The following GALNT3 variants were observed in gnomAD, a reference collection of about 807,000 sequenced individuals.
GALNT3 encodes the protein GalNAc transferase 3.
GALNT3 carries 51 observed loss-of-function variants against 69.8 expected under a neutral mutation model. The observed-to-expected ratio is 0.73, with a 90% CI of 0.58 to 0.92. The LOEUF is 0.92. Ranked by LOEUF, GALNT3 falls within the 40% of genes least tolerant of loss-of-function variation. The probability of loss-of-function intolerance (pLI) is 0.00; values close to 1 mark genes in which losing one functional copy is unlikely to be tolerated. For missense variants in GALNT3, 711 were observed against 760.0 expected (o/e 0.94, Z 0.76); for synonymous variants, 265 against 248.5 (o/e 1.07, Z -0.63).
chr2:165,781,622 A>G (rs1683113578), intron 1 of GALNT3, among the ~76,000 whole-genome samples: 1 of 151,816 alleles, frequency 6.6e-6, no homozygotes, highest in African/African-American at 2.4e-5. Flanking sequence ...AAAAAAGCCT[A>G]TCGAGCATAG....
Position 165,759,509 on chromosome 2 carries a change from AGCCGT to A in GALNT3, c.895_899del (p.Thr299CysfsTer15). On this transcript the variant is annotated frameshift_variant, in exon 5 of 11. Coordinates refer to ENST00000392701, the MANE Select transcript of GALNT3 (RefSeq NM_004482.4). LOFTEE classifies it high-confidence loss of function. ...TGGATGCAATATCTGGACTTACGACAGCCGTGTAGTTCTCAGCTATTCTGGCCAAC... is the reference window on the plus strand; with the variant it reads ...TGGATGCAATATCTGGACTTACGACAGTAGTTCTCAGCTATTCTGGCCAAC... The A allele has an allele frequency of 6.2e-7, 1 of 1,614,076 alleles. No homozygotes were observed.
intron 1 of GALNT3, among the ~76,000 whole-genome samples, chr2:165,784,223 G>A (rs1211828641): frequency 6.6e-6 from 1 of 152,044 alleles, no homozygotes; most frequent in Non-Finnish European, 1.5e-5. Flanking sequence ...TAATTCAGTG[G>A]GATTTATATT....
At chr2:165,749,363 A>G (rs755598289) in intron 10 of GALNT3, among the ~76,000 whole-genome samples, 13 of 152,248 alleles carry the variant, frequency 8.5e-5, no homozygotes, top group Non-Finnish European at 1.6e-4. Flanking sequence ...AAAACAGGGT[A>G]GAAAAAAATT....
chr2:165,766,384 C>A (rs1356808347), intron 2 of GALNT3, among the ~76,000 whole-genome samples: 2 of 152,156 alleles, frequency 1.3e-5, no homozygotes, highest in African/African-American at 4.8e-5. Context: ...AAATTGATCT[C>A]AAATTCATTT....
intron 1 of GALNT3, among the ~76,000 whole-genome samples, chr2:165,782,086 A>G (rs944800439): frequency 1.3e-5 from 2 of 152,210 alleles, no homozygotes; most frequent in African/African-American, 4.8e-5. Flanking sequence ...CCGAGGCAAA[A>G]TAAGTGAGCT....
chr2:165,752,390 A>G (rs764637521), intron 9 of GALNT3, among the ~76,000 whole-genome samples: 26 of 152,196 alleles, frequency 1.7e-4, no homozygotes, highest in Admixed American at 1.0e-3. Context: ...CCAAAACTAC[A>G]TATTTTTTTC....
intron 9 of GALNT3, among the ~76,000 whole-genome samples, chr2:165,753,076 C>A (rs1372736041): frequency 6.6e-6 from 1 of 152,156 alleles, no homozygotes; most frequent in Non-Finnish European, 1.5e-5. Context: ...CATCTGCCCT[C>A]AGTAGATTGA....
intron 1 of GALNT3, among the ~76,000 whole-genome samples, chr2:165,788,239 C>T (rs993218726): frequency 2.0e-5 from 3 of 149,944 alleles, no homozygotes; most frequent in African/African-American, 7.4e-5. Context: ...ATGGCATGAA[C>T]CTAGGAGGCA....
chr2:165,754,921 A>C lies in GALNT3; in HGVS notation c.1524+11T>G, dbSNP rs748891012. Reference sequence around the variant, plus strand: ...GTATATTAATTAAAAAAGGAACAGGAAAATACTCACGTATCCAGATATAAC... The same window carrying C: ...GTATATTAATTAAAAAAGGAACAGGCAAATACTCACGTATCCAGATATAAC... On this transcript the variant is annotated intron_variant, in intron 8 of 10. Coordinates refer to ENST00000392701, the MANE Select transcript of GALNT3 (RefSeq NM_004482.4). 1.7e-5 allele frequency: 27 copies of C among 1,613,052 alleles called. No homozygotes were observed. Among genetic ancestry groups the C allele is most frequent in the Non-Finnish European group, 2.3e-5 (27 of 1,179,306 alleles).
intron 1 of GALNT3, among the ~76,000 whole-genome samples, chr2:165,779,748 T>A (rs1406658634): frequency 6.6e-6 from 1 of 152,082 alleles, no homozygotes. Context: ...GAAAGCTGAT[T>A]GAAAAAAAAT....
chr2:165,772,291 G>A (rs1001945315), intron 1 of GALNT3, among the ~76,000 whole-genome samples: 19 of 152,088 alleles, frequency 1.2e-4, no homozygotes, highest in African/African-American at 4.6e-4. Flanking sequence ...AGGAGACTAA[G>A]AAAGCTACAC....
Position 165,764,935 on chromosome 2 carries a change from G to T in GALNT3, c.637C>A (p.Pro213Thr). The change falls in exon 3 of 11, where the codon CCT becomes ACT. Residue 213 changes from proline (P) to threonine (T), a missense_variant. Coordinates refer to ENST00000392701, the MANE Select transcript of GALNT3 (RefSeq NM_004482.4). ...RTVHSVLYSS[P>T]AILLKEIILV... ...ATGATTTCCTTCAGCAGTATTGCAG[G>T]TGAAGAATAGAGCACACTGTGGACA... 1.2e-6 allele frequency: 2 copies of T among 1,614,182 alleles called. No homozygotes were observed. The highest frequency in any genetic ancestry group is 2.2e-5 in the South Asian group (2 of 91,084).
intron 2 of GALNT3, among the ~76,000 whole-genome samples, chr2:165,767,344 T>C (rs1207443520): frequency 6.6e-6 from 1 of 152,132 alleles, no homozygotes; most frequent in East Asian, 1.9e-4. Context: ...TAAGATTTTT[T>C]TCCTACCTTT....
chr2:165,786,422 G>A (rs1257117017), intron 1 of GALNT3, among the ~76,000 whole-genome samples: 10 of 152,120 alleles, frequency 6.6e-5, no homozygotes, highest in Non-Finnish European at 1.3e-4. Context: ...GCAGGAGATT[G>A]GTTCCACAAC....
intron 7 of GALNT3, 79 bp downstream of exon 7, chr2:165,756,968 C>G: frequency 9.1e-7 from 1 of 1,103,436 alleles, no homozygotes; most frequent in Non-Finnish European, 1.4e-6. Context: ...ATGTTTTGTA[C>G]TTGAGATGAA....
intron 3 of GALNT3, 102 bp downstream of exon 3, chr2:165,764,782 C>T: frequency 8.6e-7 from 1 of 1,163,824 alleles, no homozygotes; most frequent in Non-Finnish European, 1.3e-6. Context: ...CTATTATATT[C>T]AAGCTCTGAG....
chr2:165,766,481 G>A (rs1376165503), intron 2 of GALNT3, among the ~76,000 whole-genome samples: 1 of 152,162 alleles, frequency 6.6e-6, no homozygotes, highest in Non-Finnish European at 1.5e-5. Context: ...CAGCCTTTGA[G>A]GCTAGAGATG....
intron 6 of GALNT3, 127 bp from the exon 7 acceptor site, chr2:165,757,374 C>T (rs1185390154): frequency 3.5e-6 from 3 of 860,690 alleles, no homozygotes; most frequent in Non-Finnish European, 5.6e-6. Context: ...TACAAATAGT[C>T]TCTGTCCCCT....
intron 9 of GALNT3, 113 bp downstream of exon 9, chr2:165,754,514 C>A (rs1050887178): frequency 1.3e-6 from 1 of 774,392 alleles, no homozygotes; most frequent in Non-Finnish European, 2.2e-6. Context: ...GAAAACATTT[C>A]ACACACAGCT....
Sources: gnomAD v4.1 joint callset for allele counts (sites outside exome capture counted in the v4.1 genomes callset) on GRCh38, gnomAD v4.1.1 for gene constraint, MANE v1.5 for transcripts, NCBI Gene and HGNC (gene_info 2026-07-23, HGNC 2026-07-21) for gene names.